The following PARD3 variants were observed in gnomAD, a reference collection of about 807,000 sequenced individuals.
The protein encoded by PARD3 is partitioning defective 3 homolog.
PARD3 carries 75 observed loss-of-function variants against 155.4 expected under a neutral mutation model. That is an observed-to-expected ratio of 0.48 (90% CI 0.40 to 0.58). PARD3 has a LOEUF of 0.58. Ranked by LOEUF, PARD3 falls within the 20% of genes least tolerant of loss-of-function variation. PARD3 has a pLI of 0.00. For synonymous variants in PARD3, 576 were observed against 610.5 expected, an observed-to-expected ratio of 0.94 and a Z score of 0.83; for missense variants, 1,642 against 1,721.7, an observed-to-expected ratio of 0.95 and a Z score of 0.82.
At chr10:34,737,311 CCCACTTCT>C (rs1314565724) in intron 1 of PARD3, among the ~76,000 whole-genome samples, 2 of 152,182 alleles carry the variant, frequency 1.3e-5, no homozygotes, top group South Asian at 2.1e-4. Flanking sequence ...AGGAAGATTT[CCCACTTCT>C]CCACTAACAA....
At chr10:34,633,311 C>T (rs990754726) in intron 2 of PARD3, among the ~76,000 whole-genome samples, 1 of 152,192 alleles carries the variant, frequency 6.6e-6, no homozygotes, top group South Asian at 2.1e-4. Flanking sequence ...GTAACCCAGG[C>T]TTTGTGCCCT....
chr10:34,665,861 A>AG (rs2093448103), intron 2 of PARD3, among the ~76,000 whole-genome samples: 1 of 147,688 alleles, frequency 6.8e-6, no homozygotes, highest in Non-Finnish European at 1.5e-5. Flanking sequence ...AGAACAGAAC[A>AG]GAACAGAACA....
chr10:34,313,269 C>G (rs1474647971), intron 20 of PARD3, among the ~76,000 whole-genome samples: 1 of 152,154 alleles, frequency 6.6e-6, no homozygotes, highest in Non-Finnish European at 1.5e-5. Context: ...ATTTACAAGT[C>G]ATGTTTACCT....
At chr10:34,546,330 A>G (rs1205670747) in intron 2 of PARD3, among the ~76,000 whole-genome samples, 2 of 152,046 alleles carry the variant, frequency 1.3e-5, no homozygotes, top group Non-Finnish European at 2.9e-5. Flanking sequence ...AGTCTGTCCA[A>G]CATAGTGAAA....
chr10:34,496,619 CG>C (rs2080308522), intron 3 of PARD3, among the ~76,000 whole-genome samples: 2 of 152,084 alleles, frequency 1.3e-5, no homozygotes, highest in Non-Finnish European at 2.9e-5. Flanking sequence ...ATGGATTCAG[CG>C]AAGTCAAGAC....
intron 2 of PARD3, among the ~76,000 whole-genome samples, chr10:34,672,146 T>C (rs930045980): frequency 3.9e-5 from 6 of 152,014 alleles, no homozygotes; most frequent in African/African-American, 1.4e-4. Context: ...CCAGCCTGGG[T>C]GACAGAGGAG....
chr10:34,309,119 A>G (rs1957564338), intron 20 of PARD3, among the ~76,000 whole-genome samples: 1 of 152,188 alleles, frequency 6.6e-6, no homozygotes, highest in Admixed American at 6.5e-5. Context: ...GAATCGGAAA[A>G]AAGAGACAGC....
At chr10:34,596,576 G>A (rs1440811941) in intron 2 of PARD3, among the ~76,000 whole-genome samples, 1 of 152,044 alleles carries the variant, frequency 6.6e-6, no homozygotes, top group East Asian at 1.9e-4. Flanking sequence ...AACAGCATAG[G>A]GGAACTTCTC....
chr10:34,602,220 T>C (rs1334103262), intron 2 of PARD3, among the ~76,000 whole-genome samples: 3 of 152,196 alleles, frequency 2.0e-5, no homozygotes, highest in African/African-American at 4.8e-5. Context: ...GACAGATCAA[T>C]ATATGTTTAC....
intron 6 of PARD3, among the ~76,000 whole-genome samples, chr10:34,400,612 A>T (rs1224396939): frequency 1.3e-5 from 2 of 152,174 alleles, no homozygotes; most frequent in Non-Finnish European, 2.9e-5. Context: ...AGATCACAAT[A>T]TAATTTTATG....
chr10:34,785,138 A>G (rs1482920618), intron 1 of PARD3, among the ~76,000 whole-genome samples: 1 of 152,282 alleles, frequency 6.6e-6, no homozygotes. Flanking sequence ...AGGGAAAATA[A>G]TTGCTAATGC....
intron 2 of PARD3, among the ~76,000 whole-genome samples, chr10:34,629,712 C>A (rs965053550): frequency 1.8e-4 from 27 of 152,220 alleles, no homozygotes; most frequent in African/African-American, 6.5e-4. Context: ...AACACTTCAT[C>A]TGGTTGTCAT....
chr10:34,396,092 G>A (rs972010038), intron 7 of PARD3, among the ~76,000 whole-genome samples: 1 of 152,180 alleles, frequency 6.6e-6, no homozygotes. Flanking sequence ...GCTCACACCT[G>A]TAATCCCAGC....
intron 23 of PARD3, among the ~76,000 whole-genome samples, chr10:34,125,656 T>C (rs151212940): frequency 1.8e-3 from 277 of 152,294 alleles, no homozygotes; most frequent in African/African-American, 6.4e-3. Context: ...GGGAGAGCTA[T>C]TAAAGTCTGA....
intron 22 of PARD3, among the ~76,000 whole-genome samples, chr10:34,191,799 AT>A (rs1349541254): frequency 1.3e-5 from 2 of 152,144 alleles, no homozygotes; most frequent in Non-Finnish European, 2.9e-5. Context: ...TCATTTTCTA[AT>A]TCCCCAGCTC....
intron 5 of PARD3, among the ~76,000 whole-genome samples, chr10:34,412,119 C>T (rs372098167): frequency 6.6e-6 from 1 of 151,920 alleles, no homozygotes; most frequent in East Asian, 1.9e-4. Context: ...TGCATCATCG[C>T]ACCTGGCCAA....
At chr10:34,783,390 G>A (rs942606645) in intron 1 of PARD3, among the ~76,000 whole-genome samples, 2 of 151,762 alleles carry the variant, frequency 1.3e-5, no homozygotes, top group Non-Finnish European at 2.9e-5. Flanking sequence ...AGATCACAAG[G>A]TCAGGAGATC....
At chr10:34,500,214 A>G (rs74132031) in intron 3 of PARD3, among the ~76,000 whole-genome samples, 1,897 of 152,376 alleles carry the variant, frequency 0.012, 39 homozygotes, top group African/African-American at 0.044. Flanking sequence ...GGAAGAAGCT[A>G]CAAAATAAAG....
intron 3 of PARD3, among the ~76,000 whole-genome samples, chr10:34,487,855 G>C (rs1185366040): frequency 6.6e-6 from 1 of 152,096 alleles, no homozygotes; most frequent in Non-Finnish European, 1.5e-5. Flanking sequence ...CATCTAACAA[G>C]TAATTTGTCT....
Sources: gnomAD v4.1 joint callset for allele counts (sites outside exome capture counted in the v4.1 genomes callset) on GRCh38, gnomAD v4.1.1 for gene constraint, MANE v1.5 for transcripts, NCBI Gene and HGNC (gene_info 2026-07-23, HGNC 2026-07-21) for gene names.